The following OR52I2 variants were observed in gnomAD, a reference collection of about 807,000 sequenced individuals.
The protein encoded by OR52I2 is olfactory receptor family 52 subfamily I member 2, also known as olfactory receptor 52I2.
For missense variants in OR52I2, 350 were observed against 402.4 expected, an observed-to-expected ratio of 0.87 and a Z score of 1.11; for synonymous variants, 147 against 151.9, an observed-to-expected ratio of 0.97 and a Z score of 0.24.
rs138555035 is a variant in OR52I2 at position 4,587,038 on chromosome 11, G to A, written c.148G>A (p.Val50Met). The A allele has an allele frequency of 7.4e-6, 12 of 1,614,062 alleles. No homozygotes were observed. Among genetic ancestry groups the A allele is most frequent in the East Asian group, 4.5e-5 (2 of 44,874 alleles). Residue 50 changes from valine to methionine, a missense_variant, in exon 2 of 2, where the codon GTG becomes ATG. Coordinates refer to ENST00000641896, the Ensembl canonical transcript of OR52I2. ...AGCCCTGTTAGGAAACACCATCATC[G>A]TGACTGCAATCTGGATGGATTCCAC...
intron 1 of OR52I2, among the ~76,000 whole-genome samples, chr11:4,582,434 ATTTTTT>A (rs386372959): frequency 0.035 from 3,392 of 96,472 alleles, 79 homozygotes; most frequent in African/African-American, 0.1. Context: ...TTTATTTTTC[ATTTTTT>A]TTTTTTTTTT....
At chr11:4,587,015 C>G in exon 2 of OR52I2, 1 of 1,614,144 alleles carries the variant, frequency 6.2e-7, no homozygotes, top group Non-Finnish European at 8.5e-7. Context: ...TACATCATAG[C>G]CCTGTTAGGA....
chr11:4,592,124 G>C (rs572554148), exon 2 of OR52I2: 3 of 152,126 alleles, frequency 2.0e-5, no homozygotes, highest in Non-Finnish European at 4.4e-5. Context: ...TATAGAATCA[G>C]GCAGGGAAAA....
At chr11:4,584,440 A>G (rs11032924) in intron 1 of OR52I2, among the ~76,000 whole-genome samples, 5,596 of 152,304 alleles carry the variant, frequency 0.037, 143 homozygotes, top group Middle Eastern at 0.068. Flanking sequence ...TGGAAGCAAA[A>G]TGATCTAATG....
At chr11:4,592,906 T>C (rs1274523486) in exon 2 of OR52I2, 1 of 152,244 alleles carries the variant, frequency 6.6e-6, no homozygotes, top group African/African-American at 2.4e-5. Flanking sequence ...TTATCCATAG[T>C]TGTCTTGTTG....
intron 1 of OR52I2, among the ~76,000 whole-genome samples, chr11:4,582,978 T>G (rs180869755): frequency 6.6e-6 from 1 of 152,116 alleles, no homozygotes; most frequent in African/African-American, 2.4e-5. Flanking sequence ...CATTTGAGAT[T>G]TGTGCATTTT....
chr11:4,588,233 A>G (rs114476243), exon 2 of OR52I2: 1 of 229,452 alleles, frequency 4.4e-6, no homozygotes, highest in African/African-American at 2.2e-5. Flanking sequence ...CATTCTCTTC[A>G]TGAACAGCTA....
At chr11:4,589,929 T>C (rs1038518001) in exon 2 of OR52I2, 2 of 152,220 alleles carry the variant, frequency 1.3e-5, no homozygotes, top group Non-Finnish European at 2.9e-5. Flanking sequence ...TTGTGAATCA[T>C]GAGTTGTTGA....
At chr11:4,587,395 C>G in exon 2 of OR52I2, 1 of 1,613,874 alleles carries the variant, frequency 6.2e-7, no homozygotes, top group Non-Finnish European at 8.5e-7. Context: ...GATGGTGAGT[C>G]ATCTACCTTT....
chr11:4,589,698 AAGAAC>A (rs1012766984), exon 2 of OR52I2: 1 of 152,124 alleles, frequency 6.6e-6, no homozygotes, highest in African/African-American at 2.4e-5. Flanking sequence ...TTATGGGACT[AAGAAC>A]AGTTATGAGG....
intron 1 of OR52I2, among the ~76,000 whole-genome samples, chr11:4,583,375 G>A (rs1846275224): frequency 2.6e-5 from 4 of 152,174 alleles, no homozygotes; most frequent in Admixed American, 2.6e-4. Context: ...GCTGCCTCCT[G>A]AAGAAAGGTG....
chr11:4,582,434 ATTTTTTTTT>A (rs386372959), intron 1 of OR52I2, among the ~76,000 whole-genome samples: 1 of 96,482 alleles, frequency 1.0e-5, no homozygotes, highest in Non-Finnish European at 1.9e-5. Flanking sequence ...TTTATTTTTC[ATTTTTTTTT>A]TTTTTTTTTT....
At chr11:4,590,326 T>C (rs1269947650) in exon 2 of OR52I2, 1 of 152,202 alleles carries the variant, frequency 6.6e-6, no homozygotes, top group East Asian at 1.9e-4. Flanking sequence ...TGGCAACAGA[T>C]GCTTGATGGA....
intron 1 of OR52I2, among the ~76,000 whole-genome samples, chr11:4,586,524 C>A (rs921075804): frequency 6.6e-6 from 1 of 152,060 alleles, no homozygotes; most frequent in African/African-American, 2.4e-5. Flanking sequence ...TTAATGCACA[C>A]AATAAAGTCT....
chr11:4,587,825 T>C (rs1846319967), exon 2 of OR52I2: 1 of 1,614,112 alleles, frequency 6.2e-7, no homozygotes. Flanking sequence ...TGGAGTTATC[T>C]GATGCATGTC....
At chr11:4,592,821 T>G (rs1387474404) in exon 2 of OR52I2, 1 of 152,216 alleles carries the variant, frequency 6.6e-6, no homozygotes, top group Non-Finnish European at 1.5e-5. Flanking sequence ...GTGGTAGAGC[T>G]CAGCTGCTGG....
chr11:4,587,410 G>T (rs1846313948), exon 2 of OR52I2: 1 of 1,613,872 alleles, frequency 6.2e-7, no homozygotes, highest in African/African-American at 1.3e-5. Flanking sequence ...ACCTTTCTGT[G>T]GCTCCAATGT....
intron 1 of OR52I2, 125 bp from the exon 2 acceptor site, chr11:4,586,747 A>G: frequency 7.3e-7 from 1 of 1,366,398 alleles, no homozygotes; most frequent in Admixed American, 1.9e-5. Flanking sequence ...ATTTTGTCAG[A>G]TGCCACATTT....
At chr11:4,583,523 C>T (rs183906826) in intron 1 of OR52I2, among the ~76,000 whole-genome samples, 31 of 152,268 alleles carry the variant, frequency 2.0e-4, no homozygotes, top group Middle Eastern at 3.4e-3. Context: ...AGAACACATG[C>T]GGCAGTTTCA....
Sources: gnomAD v4.1 joint callset for allele counts (sites outside exome capture counted in the v4.1 genomes callset) on GRCh38, gnomAD v4.1.1 for gene constraint, MANE v1.5 for transcripts, NCBI Gene and HGNC (gene_info 2026-07-23, HGNC 2026-07-21) for gene names.